Variants in IL4R observed in about 807,000 individuals in gnomAD.
IL4R encodes the protein interleukin-4 receptor subunit alpha.
IL4R carries 17 observed loss-of-function variants against 41.5 expected under a neutral mutation model. The ratio of observed to expected loss-of-function variants is 0.41; its 90% CI spans 0.28 to 0.61. The LOEUF is 0.61. IL4R is among the 20% of genes least tolerant of loss of function. The pLI is 0.31. For synonymous variants in IL4R, 402 were observed against 422.9 expected (o/e 0.95, Z 0.61); for missense variants, 974 against 1,043.1 (o/e 0.93, Z 0.91).
At chr16:27,352,440 C>T (rs1160236371) in intron 6 of IL4R, 100 bp from the exon 7 acceptor site, 1 of 925,588 alleles carries the variant, frequency 1.1e-6, no homozygotes, top group Non-Finnish European at 1.7e-6. Context: ...AGGCTGGTGG[C>T]TCTTAAACAT....
At position 27,333,780 on chromosome 16, in the gene IL4R, G is replaced by C. The variant is rs570766850; in HGVS notation, c.-19+3582G>C. 2.0e-5 allele frequency among the ~76,000 whole-genome samples: 3 copies of C among 152,174 alleles called. No individual in the cohort carries two copies. The East Asian group carries it at 5.8e-4, about 29-fold the overall frequency. ...GTGGCATATGGGCTGAAACTGCCTA[G>C]CAGCATGTCAGAAGTGGGGTGTTCG... On this transcript the variant is annotated intron_variant, in intron 2 of 10. Coordinates refer to ENST00000395762, the MANE Select transcript of IL4R (RefSeq NM_000418.4).
intron 1 of IL4R, among the ~76,000 whole-genome samples, chr16:27,328,927 A>C (rs1221032072): frequency 6.6e-6 from 1 of 152,042 alleles, no homozygotes; most frequent in Non-Finnish European, 1.5e-5. Context: ...CATAATGTAG[A>C]TTGCTACCTT....
In IL4R at chr16:27,353,337, T is replaced by C. The variant is rs2085944726; in HGVS notation, c.670+641T>C. Among the ~76,000 whole-genome samples the C allele has an allele frequency of 2.6e-5, 4 of 151,026 alleles. No homozygotes were observed. The South Asian group carries it at 8.3e-4, about 31-fold the overall frequency. ...GAGCCCATCTCTAAAAATAAATAAA[T>C]ACAATGAAATAAAATAAAATAAATA... On this transcript the variant is annotated intron_variant, in intron 7 of 10. Transcript: ENST00000395762.
At position 27,356,037 on chromosome 16, in the gene IL4R, C is replaced by G. The variant is rs143039928; in HGVS notation, c.770+130C>G. 281 of 632,124 alleles carry G rather than the reference C, an allele frequency of 4.4e-4. 7 individuals are homozygous for G. In the East Asian group the frequency reaches 7.7e-3, roughly 17 times the overall value. 39.2% of individuals were successfully genotyped at this position (632,124 alleles called of 1,614,324 possible). ...GCATTTACTGAGCAGCTACTACACA[C>G]CTTGAGAGTAGAGCTGAGAACATAT... On this transcript the variant is annotated intron_variant, in intron 8 of 10. Transcript: ENST00000395762.
At chr16:27,315,346 T>A (rs931391381) in intron 1 of IL4R, 5 of 152,344 alleles carry the variant, frequency 3.3e-5, no homozygotes, top group African/African-American at 4.8e-5. Flanking sequence ...GCTAAGCCAC[T>A]CATTCACTCA....
intron 4 of IL4R, among the ~76,000 whole-genome samples, chr16:27,343,497 G>T (rs573577735): frequency 2.8e-4 from 42 of 152,160 alleles, no homozygotes; most frequent in Non-Finnish European, 5.9e-4. Flanking sequence ...CACAATCTCG[G>T]CTCACTGCAA....
Position 27,364,047 on chromosome 16 carries a change from G to A in IL4R, c.*217G>A. The A allele has an allele frequency of 1.7e-6, 1 of 571,808 alleles. No homozygotes were observed. The highest frequency in any genetic ancestry group is 3.0e-6 in the Non-Finnish European group (1 of 328,684). 35.4% of individuals were successfully genotyped at this position (571,808 alleles called of 1,614,324 possible). On this transcript the variant is annotated 3_prime_UTR_variant, in exon 11 of 11. Transcript: ENST00000395762. Reference sequence around the variant, plus strand: ...GGGCTGGGCTCGCCACATCCCATGAGAGTAGAGGGCACTGGGTCGCCGTGC... The same window carrying A: ...GGGCTGGGCTCGCCACATCCCATGAAAGTAGAGGGCACTGGGTCGCCGTGC...
intron 1 of IL4R, among the ~76,000 whole-genome samples, chr16:27,326,203 ACTT>A (rs2141075719): frequency 6.6e-6 from 1 of 152,240 alleles, no homozygotes; most frequent in Non-Finnish European, 1.5e-5. Flanking sequence ...TCATCATGTC[ACTT>A]CTTTGCTCAA....
At chr16:27,358,424 C>T (rs1162006641) in intron 8 of IL4R, among the ~76,000 whole-genome samples, 1 of 152,206 alleles carries the variant, frequency 6.6e-6, no homozygotes, top group Non-Finnish European at 1.5e-5. Flanking sequence ...CACCATGGCC[C>T]CAGGCAGGCC....
chr16:27,340,166 T>C lies in IL4R; in HGVS notation c.-18-20T>C. On this transcript the variant is annotated intron_variant, in intron 2 of 10. Transcript: ENST00000395762. ...CTGGAAGCACAGGTCAGCACTAACC[T>C]GCTTCCTCTCTCTCTGCAGGTGCCT... 1 of 1,587,738 alleles carries C rather than the reference T, an allele frequency of 6.3e-7. No homozygotes were observed. Among genetic ancestry groups the C allele is most frequent in the Non-Finnish European group, 8.6e-7 (1 of 1,159,052 alleles).
chr16:27,363,602 C>T lies in IL4R; in HGVS notation c.2250C>T (p.Asp750=), dbSNP rs1395779737. 3 of 1,614,064 alleles carry T rather than the reference C, an allele frequency of 1.9e-6. No individual in the cohort carries two copies. The highest frequency in any genetic ancestry group is 1.1e-5 in the South Asian group (1 of 91,086). Residue 750 remains aspartate, a synonymous_variant, in exon 11 of 11, where the codon GAC becomes GAT. Transcript: ENST00000395762. The part of the protein sequence containing the change: ...ASPCCGCCCG[D]RSSPPTTPLR... The stretch of plus-strand genomic sequence containing the variant: ...CTTGCTGTGGCTGCTGCTGTGGAGA[C>T]AGGTCCTCGCCCCCTACAACCCCCC...
At position 27,352,652 on chromosome 16, in the gene IL4R, A is replaced by C. The variant is rs376407081; in HGVS notation, c.626A>C (p.Asn209Thr). The stretch of plus-strand genomic sequence containing the variant: ...GTGAGGGCCTGGGCTCAGTGCTATA[A>C]CACCACCTGGAGTGAGTGGAGCCCC... ...ARVRAWAQCY[N>T]TTWSEWSPST... Residue 209 changes from asparagine to threonine, a missense_variant, in exon 7 of 11, where the codon AAC becomes ACC. Asn to Thr is a moderately conservative substitution (Grantham distance 65). Coordinates refer to ENST00000395762, the MANE Select transcript of IL4R (RefSeq NM_000418.4). 6.2e-7 allele frequency: 1 copy of C among 1,614,170 alleles called. No homozygotes were observed. Among genetic ancestry groups the C allele is most frequent in the East Asian group, 2.2e-5 (1 of 44,888 alleles).
Position 27,363,331 on chromosome 16 carries a change from A to C in IL4R, c.1979A>C (p.Glu660Ala). ...TTGTTCACCTTTGGACTGGACAGGG[A>C]GCCACCTCGCAGTCCGCAGAGCTCA... ...VPLFTFGLDREPPRSPQSSHL... is the reference protein window; with the variant it reads ...VPLFTFGLDRAPPRSPQSSHL... Residue 660 changes from glutamate (E) to alanine (A), a missense_variant, in exon 11 of 11, where the codon GAG (glutamate) becomes GCG (alanine). This residue lies in a region of IL4R where 682 missense variants were observed against 704.3 expected (regional missense o/e 0.97). Transcript: ENST00000395762. 6 of 1,613,504 alleles carry C rather than the reference A, an allele frequency of 3.7e-6. No homozygotes were observed. Among genetic ancestry groups the C allele is most frequent in the Non-Finnish European group, 5.1e-6 (6 of 1,179,774 alleles).
chr16:27,363,369 A>C lies in IL4R; in HGVS notation c.2017A>C (p.Ser673Arg). 6.2e-7 allele frequency: 1 copy of C among 1,614,112 alleles called. No homozygotes were observed. Among genetic ancestry groups the C allele is most frequent in the South Asian group, 1.1e-5 (1 of 91,084 alleles). ...RSPQSSHLPS[S>R]SPEHLGLEPG... ...TCCGCAGAGCTCACATCTCCCAAGC[A>C]GCTCCCCAGAGCACCTGGGTCTGGA... is the stretch of plus-strand genomic sequence containing the variant. The change falls in exon 11 of 11, where the codon AGC becomes CGC. Residue 673 changes from serine (S) to arginine (R), a missense_variant. Coordinates refer to ENST00000395762, the MANE Select transcript of IL4R (RefSeq NM_000418.4).
chr16:27,360,506 C>T (rs2086244908), intron 9 of IL4R, among the ~76,000 whole-genome samples: 1 of 152,210 alleles, frequency 6.6e-6, no homozygotes, highest in Non-Finnish European at 1.5e-5. Context: ...CAAGCAAGTC[C>T]CAGGGCCAGT....
At chr16:27,349,578 TG>T (rs2085790746) in intron 6 of IL4R, among the ~76,000 whole-genome samples, 1 of 152,148 alleles carries the variant, frequency 6.6e-6, no homozygotes, top group South Asian at 2.1e-4. Context: ...TTGAGGATTA[TG>T]GGGTTGGGGG....
intron 3 of IL4R, chr16:27,341,054 C>T (rs1266721266): frequency 1.1e-5 from 7 of 654,966 alleles, no homozygotes; most frequent in Non-Finnish European, 2.0e-5. Context: ...TCCATATCAT[C>T]CATTATGTTC....
chr16:27,323,036 G>C (rs2084858859), intron 1 of IL4R, among the ~76,000 whole-genome samples: 1 of 152,122 alleles, frequency 6.6e-6, no homozygotes, highest in Non-Finnish European at 1.5e-5. Flanking sequence ...ATGTCTGTGT[G>C]TCCCCACCCA....
rs754878179 is a variant in IL4R at position 27,362,537 on chromosome 16, C to T, written c.1185C>T (p.Phe395=). ...CASPESSRDD[F]QEGREGIVAR... Reference sequence around the variant, plus strand: ...CGCCTGAGAGCAGCAGGGATGACTTCCAGGAGGGAAGGGAGGGCATTGTGG... The same window carrying T: ...CGCCTGAGAGCAGCAGGGATGACTTTCAGGAGGGAAGGGAGGGCATTGTGG... Residue 395 remains phenylalanine (F), a synonymous_variant, in exon 11 of 11, where the codon TTC becomes TTT. Coordinates refer to ENST00000395762, the MANE Select transcript of IL4R (RefSeq NM_000418.4). 1 of 1,614,116 alleles carries T rather than the reference C, an allele frequency of 6.2e-7. No individual in the cohort carries two copies. The highest frequency in any genetic ancestry group is 1.7e-5 in the Admixed American group (1 of 60,020).
Sources: gnomAD v4.1 joint callset for allele counts (sites outside exome capture counted in the v4.1 genomes callset) on GRCh38, gnomAD v4.1.1 for gene constraint, gnomAD v4.1.1 regional missense constraint, MANE v1.5 for transcripts, NCBI Gene and HGNC (gene_info 2026-07-23, HGNC 2026-07-21) for gene names.